Variants in ACER1 observed in about 807,000 individuals in gnomAD.
The protein encoded by ACER1 is alkaline ceramidase 1.
ACER1 carries 28 observed loss-of-function variants against 24.9 expected under a neutral mutation model. That is an observed-to-expected ratio of 1.13 (90% CI 0.83 to 1.54). The LOEUF is 1.54. ACER1 is among the 40% of genes most tolerant of loss of function. The probability of loss-of-function intolerance (pLI) is 0.00; values close to 1 mark genes in which losing one functional copy is unlikely to be tolerated. For missense variants in ACER1, 352 were observed against 349.3 expected (o/e 1.01, Z -0.06); for synonymous variants, 132 against 131.4 (o/e 1.00, Z -0.03).
At chr19:6,336,097 C>T (rs1231483771), upstream of ACER1, among the ~76,000 whole-genome samples, 1 of 151,878 alleles carries the variant, frequency 6.6e-6, no homozygotes, top group Non-Finnish European at 1.5e-5. Context: ...GACGGGGTTT[C>T]ACCATGTTGG....
At chr19:6,343,945 A>C in the ACER1 span, 2 of 152,246 alleles carry the variant, frequency 1.3e-5, no homozygotes, top group Admixed American at 1.3e-4. Flanking sequence ...GTACAAGATT[A>C]TTCAGAGCAG....
rs1236138435 is a variant in ACER1, at chr19:6,311,601, A to AAGAAGG, written c.350+547_350+548insCCTTCT. On this transcript the variant is annotated intron_variant, in intron 3 of 5. Transcript: ENST00000301452. The stretch of plus-strand genomic sequence containing the variant: ...GAAAAAGAAGAAGGAGGAGGCGGAG[A>AAGAAGG]AGAAGAAGGAGAAGGAGAAGGAGGA... Among the ~76,000 whole-genome samples, 5 of 143,574 alleles carry AAGAAGG rather than the reference A, an allele frequency of 3.5e-5. No homozygotes were observed. In the Admixed American group the frequency reaches 3.8e-4, roughly 11 times the overall value. 94.2% of individuals were successfully genotyped at this position (143,574 alleles called of 152,430 possible). A position where few individuals can be genotyped will look rare whatever the true frequency, so the allele number is the denominator to read the frequency against.
At chr19:6,340,442 A>G in the ACER1 span, among the ~76,000 whole-genome samples, 3 of 152,114 alleles carry the variant, frequency 2.0e-5, no homozygotes, top group Non-Finnish European at 4.4e-5. Context: ...CCATTTAGCT[A>G]CAGCCCTAGC....
intron 4 of ACER1, among the ~76,000 whole-genome samples, chr19:6,308,381 G>A (rs911712721): frequency 6.7e-6 from 1 of 149,880 alleles, no homozygotes; most frequent in Non-Finnish European, 1.5e-5. Context: ...ATTGCAGTGA[G>A]CCGGGATCGC....
chr19:6,338,316 T>C (rs1458152353), upstream of ACER1, among the ~76,000 whole-genome samples: 1 of 151,992 alleles, frequency 6.6e-6, no homozygotes, highest in Non-Finnish European at 1.5e-5. Context: ...GTGTTACAAT[T>C]GTGGTTGTGT....
intron 3 of ACER1, among the ~76,000 whole-genome samples, chr19:6,311,118 G>C (rs1339943527): frequency 1.3e-5 from 2 of 151,682 alleles, no homozygotes; most frequent in African/African-American, 4.8e-5. Flanking sequence ...CTGAGAAGAG[G>C]GATCCCTGGG....
chr19:6,338,221 G>A (rs748158517), upstream of ACER1, among the ~76,000 whole-genome samples: 25 of 152,266 alleles, frequency 1.6e-4, no homozygotes, highest in Middle Eastern at 3.4e-3. Flanking sequence ...CAATTTCCTG[G>A]GCTCAAGCAA....
At chr19:6,351,652 G>C in the ACER1 span, among the ~76,000 whole-genome samples, 1 of 145,492 alleles carries the variant, frequency 6.9e-6, no homozygotes, top group Admixed American at 6.7e-5. Context: ...AAGATCGCTT[G>C]AGCCTGGGAG....
chr19:6,357,042 C>CTTTTT, the ACER1 span, among the ~76,000 whole-genome samples: 3 of 124,496 alleles, frequency 2.4e-5, no homozygotes, highest in African/African-American at 9.4e-5. Context: ...TGAGCTGAGA[C>CTTTTT]TTTTTTTTTT....
Position 6,314,087 on chromosome 19 carries a change from T to G in ACER1, c.94-1588A>C, listed in dbSNP as rs557367573. Among the ~76,000 whole-genome samples, 79 of 151,502 alleles carry G rather than the reference T, an allele frequency of 5.2e-4. 1 individual carries two copies. Among genetic ancestry groups the G allele is most frequent in the Admixed American group, 2.4e-3 (37 of 15,186 alleles). ...TTCAAGGCCAGCCCAAAAAACATAG[T>G]GAAACTCTACAAAACAGTATGTAAA... On this transcript the variant is annotated intron_variant, in intron 1 of 5. Transcript: ENST00000301452.
intron 3 of ACER1, among the ~76,000 whole-genome samples, chr19:6,311,481 G>T (rs977804805): frequency 3.3e-5 from 5 of 152,052 alleles, no homozygotes; most frequent in African/African-American, 1.2e-4. Context: ...GGCAGAGGCT[G>T]CAGTGAGCCG....
the ACER1 span, among the ~76,000 whole-genome samples, chr19:6,347,109 A>AAAAAAAAATATATATATATATATATATAT: frequency 3.5e-5 from 4 of 113,772 alleles, no homozygotes; most frequent in African/African-American, 1.5e-4. Flanking sequence ...AAAAAAAAAA[A>AAAAAAAAATATATATATATATATATATAT]ATATATATAT....
chr19:6,335,601 C>A (rs904540630), upstream of ACER1, among the ~76,000 whole-genome samples: 2 of 151,932 alleles, frequency 1.3e-5, no homozygotes, highest in South Asian at 4.2e-4. Flanking sequence ...GAGACCAAGG[C>A]GGGAGGATCA....
intron 1 of ACER1, among the ~76,000 whole-genome samples, chr19:6,324,910 A>AG (rs1555716072): frequency 2.7e-5 from 4 of 145,666 alleles, no homozygotes; most frequent in African/African-American, 5.2e-5. Flanking sequence ...GAAGGAAGGA[A>AG]GGAGGAAGGA....
rs534317452 is a variant in ACER1 at position 6,306,477 on chromosome 19, G to C, written c.*237C>G. 9 of 477,878 alleles carry C rather than the reference G, an allele frequency of 1.9e-5. No homozygotes were observed. The highest frequency in any genetic ancestry group is 1.3e-4 in the East Asian group (4 of 30,934). The allele number at this position is 477,878 out of a possible 1,614,324, so 29.6% of individuals were successfully genotyped here. A position where few individuals can be genotyped will look rare whatever the true frequency, so the allele number is the denominator to read the frequency against. ...AGGAGGAAATGAAAGAGGATGGGGGGGGTCATGGAGGGGAGATGCACGAGA... is the reference window on the plus strand; with the variant it reads ...AGGAGGAAATGAAAGAGGATGGGGGCGGTCATGGAGGGGAGATGCACGAGA... On this transcript the variant is annotated 3_prime_UTR_variant, in exon 6 of 6. Transcript: ENST00000301452.
chr19:6,311,503 C>T (rs2091580029), intron 3 of ACER1, among the ~76,000 whole-genome samples: 3 of 152,044 alleles, frequency 2.0e-5, no homozygotes, highest in South Asian at 2.1e-4. Context: ...GATCGCACCA[C>T]TGCACTCCAG....
At chr19:6,355,444 T>C in the ACER1 span, among the ~76,000 whole-genome samples, 2 of 137,602 alleles carry the variant, frequency 1.5e-5, no homozygotes, top group African/African-American at 3.0e-5. Context: ...CCGCCCCGTC[T>C]GAGAAGTGAG....
intron 3 of ACER1, among the ~76,000 whole-genome samples, chr19:6,310,797 G>A (rs1053088725): frequency 1.3e-5 from 2 of 148,682 alleles, no homozygotes; most frequent in African/African-American, 5.0e-5. Flanking sequence ...GGGATCGCTT[G>A]AGCCTGGGAA....
At chr19:6,318,573 C>T (rs973188810) in intron 1 of ACER1, among the ~76,000 whole-genome samples, 3 of 145,624 alleles carry the variant, frequency 2.1e-5, no homozygotes, top group African/African-American at 7.6e-5. Context: ...GTCACGAGAT[C>T]GAGACCATCC....
Sources: gnomAD v4.1 joint callset for allele counts (sites outside exome capture counted in the v4.1 genomes callset) on GRCh38, gnomAD v4.1.1 for gene constraint, MANE v1.5 for transcripts, NCBI Gene and HGNC (gene_info 2026-07-23, HGNC 2026-07-21) for gene names.